OPCML: variants seen among roughly 807,000 people sequenced by gnomAD.
OPCML encodes opioid-binding protein/cell adhesion molecule.
Under a neutral mutation model 37.8 loss-of-function variants are expected in OPCML, and 13 were observed. The ratio of observed to expected loss-of-function variants is 0.34; its 90% confidence interval spans 0.22 to 0.55. The LOEUF (loss-of-function observed/expected upper bound fraction) is 0.55. Among genes scored for constraint, OPCML ranks in the 20% least tolerant of loss-of-function variants. OPCML has a pLI of 0.91. For synonymous variants in OPCML, 176 were observed against 168.8 expected, an observed-to-expected ratio of 1.04 and a Z score of -0.33; for missense variants, 341 against 435.6, an observed-to-expected ratio of 0.78 and a Z score of 1.93.
At chr11:132,556,555 C>T (rs1298685594) in intron 3 of OPCML, among the ~76,000 whole-genome samples, 1 of 152,146 alleles carries the variant, frequency 6.6e-6, no homozygotes, top group Non-Finnish European at 1.5e-5. Context: ...AATCTCAGCT[C>T]ATCAAGTAGC....
chr11:132,440,968 T>C lies in OPCML; in HGVS notation c.506-3609A>G, dbSNP rs2096030656. On this transcript the variant is annotated intron_variant, in intron 4 of 7. Transcript: ENST00000524381. ...AGGCAATCAATGTTTTAATCCTCTT[T>C]ACTAGCTGCCAGGAAACCAAATTGC... Among the ~76,000 whole-genome samples the C allele has an allele frequency of 3.3e-5, 5 of 151,916 alleles. No homozygotes were observed. In the South Asian group the frequency reaches 1.0e-3, roughly 32 times the overall value.
At chr11:132,963,603 A>T (rs186368296) in intron 1 of OPCML, among the ~76,000 whole-genome samples, 1 of 151,732 alleles carries the variant, frequency 6.6e-6, no homozygotes, top group Admixed American at 6.6e-5. Flanking sequence ...AAAAAAAAAA[A>T]AAAACTGTGG....
intron 1 of OPCML, among the ~76,000 whole-genome samples, chr11:133,399,980 T>C (rs1945367869): frequency 6.6e-6 from 1 of 151,994 alleles, no homozygotes; most frequent in Non-Finnish European, 1.5e-5. Flanking sequence ...CCAGTGAACT[T>C]AGGGTGGAAA....
At chr11:133,327,052 G>A (rs1437222429) in intron 1 of OPCML, among the ~76,000 whole-genome samples, 1 of 142,922 alleles carries the variant, frequency 7.0e-6, no homozygotes, top group Non-Finnish European at 1.5e-5. Context: ...GTATGTGTGT[G>A]TGGGGTGTGG....
Position 133,322,692 on chromosome 11 carries a change from G to A in OPCML, c.61+209572C>T, listed in dbSNP as rs144305628. On this transcript the variant is annotated intron_variant, in intron 1 of 7. Transcript: ENST00000524381. ...CACCAATGACCCAATTGTTAAAACT[G>A]ACAATATAGGAGTATCCCTTGATTA... is the stretch of plus-strand genomic sequence containing the variant. Among the ~76,000 whole-genome samples, 227 of 152,210 alleles carry A rather than the reference G, an allele frequency of 1.5e-3. 4 individuals are homozygous for A. The East Asian group carries it at 0.041, about 27-fold the overall frequency.
At chr11:133,055,097 G>A (rs113833633) in intron 1 of OPCML, among the ~76,000 whole-genome samples, 2,282 of 47,466 alleles carry the variant, frequency 0.048, 1 homozygote, top group Middle Eastern at 0.11. Flanking sequence ...TGAGGGAGCC[G>A]CCTCTACCGT....
At chr11:132,771,368 T>C (rs1946629173) in intron 2 of OPCML, among the ~76,000 whole-genome samples, 1 of 152,012 alleles carries the variant, frequency 6.6e-6, no homozygotes, top group South Asian at 2.1e-4. Flanking sequence ...TGCTAAGCAA[T>C]AGAAAGCAGA....
At chr11:133,081,211 G>A (rs1948711325) in intron 1 of OPCML, among the ~76,000 whole-genome samples, 1 of 152,066 alleles carries the variant, frequency 6.6e-6, no homozygotes, top group Admixed American at 6.6e-5. Context: ...ATATTTACAG[G>A]ACTTGGTGCT....
At chr11:132,568,996 G>A (rs192623122) in intron 3 of OPCML, among the ~76,000 whole-genome samples, 305 of 152,260 alleles carry the variant, frequency 2.0e-3, no homozygotes, top group Admixed American at 3.7e-3. Context: ...ATTATGGATC[G>A]CCAATGGTAA....
At chr11:132,810,651 A>G (rs1384896650) in intron 2 of OPCML, 2 of 152,350 alleles carry the variant, frequency 1.3e-5, no homozygotes, top group African/African-American at 2.4e-5. Context: ...AGATCGTGCC[A>G]TTGCACTCCA....
chr11:132,998,001 C>T (rs956876296), intron 1 of OPCML, among the ~76,000 whole-genome samples: 1 of 152,166 alleles, frequency 6.6e-6, no homozygotes, highest in African/African-American at 2.4e-5. Flanking sequence ...TAGAAACATT[C>T]TTTCTCTTGC....
intron 1 of OPCML, among the ~76,000 whole-genome samples, chr11:133,518,182 G>C (rs928135524): frequency 6.6e-6 from 1 of 151,974 alleles, no homozygotes; most frequent in Non-Finnish European, 1.5e-5. Context: ...GGCAAGGTAT[G>C]TATGTGTGTA....
chr11:132,530,837 A>T (rs983515023), intron 3 of OPCML, among the ~76,000 whole-genome samples: 5 of 152,128 alleles, frequency 3.3e-5, no homozygotes, highest in Non-Finnish European at 2.9e-5. Flanking sequence ...TTTTAAAAGC[A>T]TCAGCACTCC....
intron 4 of OPCML, among the ~76,000 whole-genome samples, chr11:132,448,016 G>A (rs138211324): frequency 6.6e-6 from 1 of 152,334 alleles, no homozygotes; most frequent in Non-Finnish European, 1.5e-5. Context: ...AAGGGCTCAA[G>A]GGCTCTTGGC....
chr11:132,544,874 G>T (rs753377083), intron 3 of OPCML, among the ~76,000 whole-genome samples: 8 of 152,020 alleles, frequency 5.3e-5, no homozygotes, highest in Non-Finnish European at 1.2e-4. Flanking sequence ...AACATTTCTC[G>T]CTGTACTCAG....
At chr11:132,960,810 G>A (rs1237875147) in intron 1 of OPCML, among the ~76,000 whole-genome samples, 11 of 152,172 alleles carry the variant, frequency 7.2e-5, no homozygotes, top group East Asian at 1.9e-4. Context: ...GTGGTGATTT[G>A]GTCTGACATC....
intron 2 of OPCML, among the ~76,000 whole-genome samples, chr11:132,663,095 T>G (rs2135791328): frequency 6.6e-6 from 1 of 152,366 alleles, no homozygotes; most frequent in East Asian, 1.9e-4. Flanking sequence ...CTCTTTGTAA[T>G]ATACGGATAA....
chr11:132,924,849 C>T (rs1944934849), intron 2 of OPCML, among the ~76,000 whole-genome samples: 1 of 151,372 alleles, frequency 6.6e-6, no homozygotes, highest in African/African-American at 2.4e-5. Flanking sequence ...TATTTCTATA[C>T]ATATCTCCTC....
intron 3 of OPCML, among the ~76,000 whole-genome samples, chr11:132,615,203 A>G (rs1029876999): frequency 2.0e-5 from 3 of 152,368 alleles, no homozygotes; most frequent in Middle Eastern, 6.8e-3. Context: ...ACTACTGGTT[A>G]TTGCCAATAA....
Sources: gnomAD v4.1 joint callset for allele counts (sites outside exome capture counted in the v4.1 genomes callset) on GRCh38, gnomAD v4.1.1 for gene constraint, MANE v1.5 for transcripts, NCBI Gene and HGNC (gene_info 2026-07-23, HGNC 2026-07-21) for gene names.